The following AHR variants were observed in gnomAD, a reference collection of about 807,000 sequenced individuals.
AHR encodes aryl hydrocarbon receptor, also known as AH-receptor.
Under a neutral mutation model 86.8 loss-of-function variants are expected in AHR, and 40 were observed. That is an observed-to-expected ratio of 0.46 (90% CI 0.36 to 0.60). AHR has a LOEUF of 0.60. AHR is among the 20% of genes least tolerant of loss of function. The pLI, the probability that AHR is intolerant of heterozygous loss-of-function variation, is 0.00. For synonymous variants in AHR, 398 were observed against 354.9 expected (o/e 1.12, Z -1.37); for missense variants, 1,001 against 1,011.6 (o/e 0.99, Z 0.14).
At chr7:17,307,763 G>A (rs1053883827) in intron 1 of AHR, among the ~76,000 whole-genome samples, 1 of 152,116 alleles carries the variant, frequency 6.6e-6, no homozygotes, top group African/African-American at 2.4e-5. Flanking sequence ...CCTGCTTTCT[G>A]TATACTCTAT....
intron 10 of AHR, among the ~76,000 whole-genome samples, chr7:17,342,428 G>C (rs898556040): frequency 2.0e-5 from 3 of 152,236 alleles, no homozygotes; most frequent in East Asian, 1.9e-4. Flanking sequence ...CATACCTGTG[G>C]TGTAATATTT....
rs2115353027 is a variant in AHR at position 17,310,075 on chromosome 7, G to A, written c.205G>A (p.Val69Ile). Residue 69 changes from valine to isoleucine, a missense_variant, in exon 2 of 11, where the codon GTT becomes ATT. By Grantham distance (29) the Val-to-Ile change is conservative. Around this residue, in one of 2 missense-constraint regions of AHR, gnomAD observed 394 missense variants for 468.5 expected, o/e 0.84. Coordinates refer to ENST00000242057, the MANE Select transcript of AHR (RefSeq NM_001621.5). ...TATTAATAAGTTGGACAAACTTTCA[G>A]TTCTTAGGCTCAGCGTCAGTTACCT... ...DVINKLDKLS[V>I]LRLSVSYLRA... 2 of 1,613,952 alleles carry A rather than the reference G, an allele frequency of 1.2e-6. No homozygotes were observed. Among genetic ancestry groups the A allele is most frequent in the South Asian group, 1.1e-5 (1 of 91,080 alleles).
At chr7:17,324,903 G>C (rs1393484698) in intron 3 of AHR, among the ~76,000 whole-genome samples, 3 of 152,062 alleles carry the variant, frequency 2.0e-5, no homozygotes, top group African/African-American at 7.2e-5. Flanking sequence ...GTGAATAACT[G>C]TGTCTTTATT....
chr7:17,333,108 A>G (rs1782317872), intron 6 of AHR, among the ~76,000 whole-genome samples: 1 of 151,990 alleles, frequency 6.6e-6, no homozygotes, highest in Non-Finnish European at 1.5e-5. Context: ...TTAGATGCGT[A>G]GTAAGCTATA....
At chr7:17,322,715 T>A in intron 3 of AHR, 108 bp downstream of exon 3, 1 of 767,910 alleles carries the variant, frequency 1.3e-6, no homozygotes, top group Non-Finnish European at 2.1e-6. Context: ...GCTCAATGTT[T>A]TTTGCCACTT....
intron 3 of AHR, 130 bp downstream of exon 3, chr7:17,322,737 G>A (rs1404514315): frequency 3.1e-6 from 2 of 643,936 alleles, no homozygotes; most frequent in Admixed American, 2.8e-5. Flanking sequence ...CATCTGAACT[G>A]CGATAGTGAA....
chr7:17,339,998 G>C lies in AHR; in HGVS notation c.2173G>C (p.Glu725Gln), dbSNP rs1584043717. Residue 725 changes from glutamate to glutamine, a missense_variant, in exon 10 of 11, where the codon GAA becomes CAA. Coordinates refer to ENST00000242057, the MANE Select transcript of AHR (RefSeq NM_001621.5). ...TELDYPMGSF[E>Q]PSPYPTTSSL... is the part of the protein sequence containing the mutation. Reference sequence around the variant, plus strand: ...GCTGGACTACCCTATGGGGAGTTTTGAACCATCCCCATACCCCACTACTTC... The same window carrying C: ...GCTGGACTACCCTATGGGGAGTTTTCAACCATCCCCATACCCCACTACTTC... The C allele has an allele frequency of 1.2e-6, 2 of 1,614,124 alleles. No homozygotes were observed. Among genetic ancestry groups the C allele is most frequent in the East Asian group, 4.5e-5 (2 of 44,882 alleles).
chr7:17,299,354 T>C (rs778690167), intron 1 of AHR, 25 bp downstream of exon 1: 1 of 1,609,692 alleles, frequency 6.2e-7, no homozygotes, highest in Non-Finnish European at 8.5e-7. Context: ...CGCGTCCTCA[T>C]CGCGGGGGCT....
At chr7:17,337,264 C>T (rs1369497524) in intron 9 of AHR, among the ~76,000 whole-genome samples, 1 of 152,044 alleles carries the variant, frequency 6.6e-6, no homozygotes, top group East Asian at 1.9e-4. Context: ...TGATCTAATA[C>T]ATGGTCTATG....
chr7:17,335,947 A>C, intron 9 of AHR, 161 bp downstream of exon 9: 1 of 667,198 alleles, frequency 1.5e-6, no homozygotes, highest in Admixed American at 3.3e-5. Context: ...TTGAGAAGAT[A>C]GAATTGACGA....
At chr7:17,304,576 CAG>C (rs1438652045) in intron 1 of AHR, among the ~76,000 whole-genome samples, 1 of 152,088 alleles carries the variant, frequency 6.6e-6, no homozygotes, top group Non-Finnish European at 1.5e-5. Context: ...TCTGCCGTCA[CAG>C]AAACAGAAGT....
intron 9 of AHR, 23 bp downstream of exon 9, chr7:17,335,809 G>C: frequency 1.2e-6 from 2 of 1,600,478 alleles, no homozygotes; most frequent in Non-Finnish European, 1.7e-6. Flanking sequence ...AATGTTTCCT[G>C]TTTTAACAGT....
rs1562483745 is a variant in AHR at position 17,343,055 on chromosome 7, AT to A, written c.2540del (p.Phe847SerfsTer56). 1 of 1,613,740 alleles carries A rather than the reference AT, an allele frequency of 6.2e-7. No individual in the cohort carries two copies. The highest frequency in any genetic ancestry group is 1.3e-5 in the African/African-American group (1 of 75,014). On this transcript the variant is annotated frameshift_variant, in exon 11 of 11. Transcript: ENST00000242057. ...RPFPDLTSSG[F>X]L ...CTTTTCCTGATTTGACATCCAGTGG[AT>A]TCCTGTAATTCCAAGCCCAATTTTG...
intron 2 of AHR, among the ~76,000 whole-genome samples, chr7:17,312,595 A>G (rs566165106): frequency 1.4e-4 from 22 of 152,334 alleles, no homozygotes; most frequent in Admixed American, 5.9e-4. Flanking sequence ...CTCACAGTCT[A>G]TCTTATAAAG....
At chr7:17,315,329 C>T (rs768558172) in intron 2 of AHR, among the ~76,000 whole-genome samples, 37 of 151,928 alleles carry the variant, frequency 2.4e-4, no homozygotes, top group Non-Finnish European at 4.7e-4. Flanking sequence ...ATATAGGATA[C>T]TTTTATCTCT....
intron 4 of AHR, among the ~76,000 whole-genome samples, chr7:17,329,104 C>G (rs913774784): frequency 1.3e-5 from 2 of 151,738 alleles, no homozygotes; most frequent in African/African-American, 4.8e-5. Context: ...GGATTTTTTT[C>G]CTAAAAGAAT....
intron 9 of AHR, among the ~76,000 whole-genome samples, chr7:17,338,124 G>A (rs1782374945): frequency 6.6e-6 from 1 of 150,474 alleles, no homozygotes; most frequent in African/African-American, 2.4e-5. Flanking sequence ...GCGTGAACCC[G>A]GGAGGCGGAG....
chr7:17,298,815 C>T lies in AHR; in HGVS notation c.-450C>T, dbSNP rs1259510471. On this transcript the variant is annotated 5_prime_UTR_variant, in exon 1 of 11. Coordinates refer to ENST00000242057, the MANE Select transcript of AHR (RefSeq NM_001621.5). ...GAAGCACCCTGGATTTAGGAAGTCC[C>T]GGGAGCAGCGCGGCGGCACCTCCCT... is the stretch of plus-strand genomic sequence containing the variant. 7.5e-6 allele frequency: 3 copies of T among 398,242 alleles called. No individual in the cohort carries two copies. The highest frequency in any genetic ancestry group is 3.6e-5 in the East Asian group (1 of 28,040). The allele number at this position is 398,242 out of a possible 1,614,324, so 24.7% of individuals were successfully genotyped here. A position where few individuals can be genotyped will look rare whatever the true frequency, so the allele number is the denominator to read the frequency against.
chr7:17,335,358 T>A (rs899800255), intron 8 of AHR, among the ~76,000 whole-genome samples: 2 of 152,074 alleles, frequency 1.3e-5, no homozygotes, highest in Non-Finnish European at 2.9e-5. Flanking sequence ...AAATATTCCC[T>A]ATTTAAAATG....
Sources: allele counts gnomAD v4.1 joint callset (sites outside exome capture counted in the v4.1 genomes callset), GRCh38; gene constraint gnomAD v4.1.1; regional missense constraint gnomAD v4.1.1; transcripts MANE v1.5; gene names NCBI Gene and HGNC (gene_info 2026-07-23, HGNC 2026-07-21).